Variants in MAP4K5 observed in about 807,000 individuals in gnomAD.
MAP4K5 encodes the protein mitogen-activated protein kinase kinase kinase kinase 5, also known as MAPK/ERK kinase kinase kinase 5.
Under a neutral mutation model 135.6 loss-of-function variants are expected in MAP4K5, and 82 were observed. The ratio of observed to expected loss-of-function variants is 0.60; its 90% CI spans 0.51 to 0.73. The LOEUF is 0.73. Ranked by LOEUF, MAP4K5 falls within the 30% of genes least tolerant of loss-of-function variation. MAP4K5 has a pLI of 0.00. For missense variants in MAP4K5, 907 were observed against 1,010.9 expected, an observed-to-expected ratio of 0.90 and a Z score of 1.39; for synonymous variants, 347 against 335.0, an observed-to-expected ratio of 1.04 and a Z score of -0.39.
upstream of MAP4K5, among the ~76,000 whole-genome samples, chr14:50,537,471 C>T (rs1260190065): frequency 6.6e-6 from 1 of 152,106 alleles, no homozygotes; most frequent in African/African-American, 2.4e-5. Flanking sequence ...TGAGGTACTG[C>T]CTAGTGGAGC....
chr14:50,481,711 C>T (rs1174608953), intron 6 of MAP4K5, among the ~76,000 whole-genome samples: 1 of 152,098 alleles, frequency 6.6e-6, no homozygotes, highest in Non-Finnish European at 1.5e-5. Context: ...ATACCACATA[C>T]TCTATATCTT....
intron 2 of MAP4K5, among the ~76,000 whole-genome samples, chr14:50,508,233 T>A (rs182958347): frequency 6.6e-6 from 1 of 152,202 alleles, no homozygotes; most frequent in African/African-American, 2.4e-5. Flanking sequence ...TTCCAAAGGA[T>A]TATAAATCAT....
At chr14:50,500,361 T>C (rs1023452384) in intron 3 of MAP4K5, among the ~76,000 whole-genome samples, 1 of 152,204 alleles carries the variant, frequency 6.6e-6, no homozygotes, top group Non-Finnish European at 1.5e-5. Flanking sequence ...GAGGTCTGAA[T>C]GACCAGGAGC....
intron 20 of MAP4K5, 145 bp downstream of exon 20, chr14:50,443,584 C>A: frequency 4.5e-6 from 3 of 673,386 alleles, no homozygotes; most frequent in Non-Finnish European, 7.1e-6. Context: ...AATTAGAATA[C>A]ATGATGAGAT....
intron 2 of MAP4K5, among the ~76,000 whole-genome samples, chr14:50,509,953 C>A (rs1045597201): frequency 1.3e-5 from 2 of 152,172 alleles, no homozygotes; most frequent in Non-Finnish European, 2.9e-5. Flanking sequence ...TACAAAAGTA[C>A]ACTCACAAAT....
At chr14:50,492,530 G>T (rs1339224161) in intron 3 of MAP4K5, among the ~76,000 whole-genome samples, 1 of 151,212 alleles carries the variant, frequency 6.6e-6, no homozygotes, top group Non-Finnish European at 1.5e-5. Flanking sequence ...GGAGTTCAAG[G>T]CTGCAGTGAG....
At chr14:50,523,913 C>T (rs1446022088) in intron 2 of MAP4K5, among the ~76,000 whole-genome samples, 1 of 152,178 alleles carries the variant, frequency 6.6e-6, no homozygotes, top group Non-Finnish European at 1.5e-5. Flanking sequence ...ACATGCCTCA[C>T]TCTAACCATG....
intron 6 of MAP4K5, among the ~76,000 whole-genome samples, chr14:50,476,932 A>G (rs2037114921): frequency 6.6e-6 from 1 of 152,176 alleles, no homozygotes; most frequent in African/African-American, 2.4e-5. Flanking sequence ...CTGGCACTAT[A>G]GTTCAGGTTT....
At chr14:50,461,418 AAAATAAAT>A (rs560777389) in intron 13 of MAP4K5, among the ~76,000 whole-genome samples, 1 of 152,146 alleles carries the variant, frequency 6.6e-6, no homozygotes, top group Admixed American at 6.6e-5. Context: ...AAAGGGAAAT[AAAATAAAT>A]AAATAAATAA....
intron 1 of MAP4K5, 134 bp from the exon 2 acceptor site, chr14:50,532,292 C>CA (rs147704567): frequency 0.014 from 6,110 of 439,384 alleles, 310 homozygotes; most frequent in African/African-American, 0.11. Flanking sequence ...GAAGGGCCCC[C>CA]GGCGCCCCGT....
chr14:50,501,579 G>A lies in MAP4K5; in HGVS notation c.166+3221C>T, dbSNP rs1595519493. Among the ~76,000 whole-genome samples, 5 of 151,976 alleles carry A rather than the reference G, an allele frequency of 3.3e-5. No individual in the cohort carries two copies. The South Asian group carries it at 1.0e-3, about 31-fold the overall frequency. On this transcript the variant is annotated intron_variant, in intron 3 of 32. Transcript: ENST00000682126. ...AAGTCAAATATAATTTTTTACAAGA[G>A]AAACATCAACAACCTAGAAAGGATA... is the stretch of plus-strand genomic sequence containing the variant.
intron 2 of MAP4K5, among the ~76,000 whole-genome samples, chr14:50,517,174 C>CA (rs1186878754): frequency 6.9e-6 from 1 of 144,476 alleles, no homozygotes. Context: ...TTTTTTAAGA[C>CA]AGAGTCTCAC....
Position 50,423,106 on chromosome 14 carries a change from C to A in MAP4K5, c.2453+15G>T, listed in dbSNP as rs763040488. 1 of 1,397,270 alleles carries A rather than the reference C, an allele frequency of 7.2e-7. No homozygotes were observed. Among genetic ancestry groups the A allele is most frequent in the South Asian group, 1.2e-5 (1 of 80,644 alleles). The allele number at this position is 1,397,270 out of a possible 1,614,324, so 86.6% of individuals were successfully genotyped here. A position where few individuals can be genotyped will look rare whatever the true frequency, so the allele number is the denominator to read the frequency against. ...AACTCCTTTGGTAATTAAATTAATA[C>A]AACCAAACTATTACCTGTCTGATCC... is the stretch of plus-strand genomic sequence containing the variant. On this transcript the variant is annotated intron_variant, in intron 32 of 32. Transcript: ENST00000682126.
At chr14:50,436,729 T>G (rs1054312663) in intron 26 of MAP4K5, among the ~76,000 whole-genome samples, 1 of 152,102 alleles carries the variant, frequency 6.6e-6, no homozygotes, top group Non-Finnish European at 1.5e-5. Flanking sequence ...TTGGCAGTGG[T>G]TGGCAATGGT....
At chr14:50,541,349 A>T (rs970967593) in intron 2 of MAP4K5, among the ~76,000 whole-genome samples, 4 of 152,290 alleles carry the variant, frequency 2.6e-5, no homozygotes, top group Non-Finnish European at 5.9e-5. Context: ...TACATACTTT[A>T]AAAAATACCA....
rs562195192 is a variant in MAP4K5, at chr14:50,479,156, C to T, written c.379-2850G>A. Among the ~76,000 whole-genome samples the T allele has an allele frequency of 1.8e-3, 261 of 148,682 alleles. 1 individual carries two copies. Among genetic ancestry groups the T allele is most frequent in the Middle Eastern group, 6.8e-3 (2 of 294 alleles). ...TGTCTCCCTTTTCTCTTTCGTTTCCCTTTTTTCTCTTTGTCTCTTCATTCT... is the reference window on the plus strand; with the variant it reads ...TGTCTCCCTTTTCTCTTTCGTTTCCTTTTTTTCTCTTTGTCTCTTCATTCT... On this transcript the variant is annotated intron_variant, in intron 6 of 32. Coordinates refer to ENST00000682126, the MANE Select transcript of MAP4K5 (RefSeq NM_006575.6).
intron 30 of MAP4K5, 33 bp downstream of exon 30, chr14:50,428,629 C>T (rs559993133): frequency 1.5e-5 from 18 of 1,193,536 alleles, no homozygotes; most frequent in East Asian, 2.6e-5. Flanking sequence ...CATTAAGTAT[C>T]GCAAACTGAT....
Position 50,434,992 on chromosome 14 carries a change from A to C in MAP4K5, c.1956T>G (p.Tyr652Ter). 6.2e-7 allele frequency: 1 copy of C among 1,610,272 alleles called. No individual in the cohort carries two copies. Among genetic ancestry groups the C allele is most frequent in the South Asian group, 1.1e-5 (1 of 90,928 alleles). Residue 652 changes from tyrosine to a stop codon, truncating the protein, a stop_gained, in exon 27 of 33, where the codon TAT (tyrosine) becomes TAG (stop). Transcript: ENST00000682126. LOFTEE classifies it high-confidence loss of function. ...TCAACATGAATTTCTGCATTGGCTC[A>C]TACCACTGAAGTAAAACAATTCCAG... The part of the protein sequence containing the change: ...LQSGIVLLQW[Y>*]EPMQKFMLIK...
chr14:50,503,829 T>G (rs1415894811), intron 3 of MAP4K5, among the ~76,000 whole-genome samples: 14 of 152,064 alleles, frequency 9.2e-5, no homozygotes, highest in Non-Finnish European at 1.0e-4. Context: ...TCCTTGAACA[T>G]AATTTGAATA....
Sources: gnomAD v4.1 joint callset for allele counts (sites outside exome capture counted in the v4.1 genomes callset) on GRCh38, gnomAD v4.1.1 for gene constraint, MANE v1.5 for transcripts, NCBI Gene and HGNC (gene_info 2026-07-23, HGNC 2026-07-21) for gene names.